Variants in TPD52 observed in about 807,000 individuals in gnomAD.
TPD52 encodes the protein prostate and colon associated protein.
TPD52 carries 17 observed loss-of-function variants against 31.3 expected under a neutral mutation model. That is an observed-to-expected ratio of 0.54 (90% confidence interval 0.37 to 0.82). The LOEUF is 0.82. Ranked by LOEUF, TPD52 falls within the 40% of genes least tolerant of loss-of-function variation. TPD52 has a pLI of 0.00. For missense variants in TPD52, 212 were observed against 240.1 expected (o/e 0.88, Z 0.77); for synonymous variants, 83 against 89.6 (o/e 0.93, Z 0.42).
At chr8:80,121,251 C>T (rs984810929) in intron 1 of TPD52, among the ~76,000 whole-genome samples, 27 of 152,152 alleles carry the variant, frequency 1.8e-4, no homozygotes, top group African/African-American at 5.8e-4. Flanking sequence ...CATGTTAACA[C>T]TAAGGGTTAT....
chr8:80,157,538 G>T (rs778427557), intron 1 of TPD52, among the ~76,000 whole-genome samples: 66 of 152,126 alleles, frequency 4.3e-4, no homozygotes, highest in Non-Finnish European at 6.9e-4. Flanking sequence ...TGCTGTTCTG[G>T]AATGAAAATC....
chr8:80,038,580 T>G (rs1405389151), intron 7 of TPD52, among the ~76,000 whole-genome samples: 1 of 152,258 alleles, frequency 6.6e-6, no homozygotes, highest in Non-Finnish European at 1.5e-5. Flanking sequence ...CATAACATTT[T>G]GTATTGCATC....
chr8:80,050,474 G>A lies in TPD52; in HGVS notation c.387-3C>T. The A allele has an allele frequency of 6.2e-7, 1 of 1,605,336 alleles. No homozygotes were observed. Among genetic ancestry groups the A allele is most frequent in the Non-Finnish European group, 8.5e-7 (1 of 1,176,094 alleles). On this transcript the variant is annotated splice_polypyrimidine_tract_variant and splice_region_variant and intron_variant, in intron 4 of 7. Transcript: ENST00000518937. ...AGGAATGTGAAAAGGCTTGCAATCT[G>A]TAAGAAGCCAGAGTAAGCATTAAAA...
chr8:80,054,805 C>T (rs1450246760), intron 2 of TPD52, among the ~76,000 whole-genome samples: 1 of 151,154 alleles, frequency 6.6e-6, no homozygotes, highest in Admixed American at 6.6e-5. Context: ...TTAACTGGAA[C>T]AGAGGTCCCT....
chr8:80,052,997 CA>C (rs1396756793), intron 3 of TPD52: 42 of 270,546 alleles, frequency 1.6e-4, no homozygotes, highest in Non-Finnish European at 1.3e-4. Context: ...TACTAAAGGA[CA>C]AAATGTACAT....
intron 1 of TPD52, among the ~76,000 whole-genome samples, chr8:80,074,374 T>C (rs1368247067): frequency 6.6e-6 from 1 of 152,256 alleles, no homozygotes; most frequent in Non-Finnish European, 1.5e-5. Context: ...TCCCATTCTC[T>C]GTGCCTTGTT....
chr8:80,132,668 C>T (rs116886562), intron 1 of TPD52, among the ~76,000 whole-genome samples: 2,402 of 152,254 alleles, frequency 0.016, 33 homozygotes, highest in Non-Finnish European at 0.026. Flanking sequence ...GAGAATAGTA[C>T]TTCTTGGGTT....
chr8:80,099,801 G>A (rs1326774986), intron 1 of TPD52, among the ~76,000 whole-genome samples: 1 of 152,198 alleles, frequency 6.6e-6, no homozygotes. Context: ...GTAAGCCAGC[G>A]CGCCCAGCTG....
intron 1 of TPD52, among the ~76,000 whole-genome samples, chr8:80,154,613 C>A (rs1220818478): frequency 2.6e-5 from 4 of 151,998 alleles, no homozygotes; most frequent in Non-Finnish European, 5.9e-5. Flanking sequence ...AAAATTCATA[C>A]AGAGAAACTC....
At chr8:80,064,772 C>T in intron 1 of TPD52, 179 bp from the exon 2 acceptor site, 8 of 693,146 alleles carry the variant, frequency 1.2e-5, no homozygotes, top group Non-Finnish European at 2.1e-5. Flanking sequence ...GAGCTAACCA[C>T]CGGAAACTAC....
intron 1 of TPD52, among the ~76,000 whole-genome samples, chr8:80,085,771 G>A (rs1815698547): frequency 6.6e-6 from 1 of 152,172 alleles, no homozygotes; most frequent in Non-Finnish European, 1.5e-5. Flanking sequence ...TAAAGCTCGG[G>A]AGAAATTTTG....
chr8:80,131,538 C>A lies in TPD52; in HGVS notation c.19+39887G>T, dbSNP rs181440361. On this transcript the variant is annotated intron_variant, in intron 1 of 7. Coordinates refer to ENST00000518937, the MANE Select transcript of TPD52 (RefSeq NM_001025253.3). ...CCTTGGCAAGACTCCAGCTGAATTT[C>A]CCAGTTATAGGTGGAACCAGTTATG... 3.9e-3 allele frequency among the ~76,000 whole-genome samples: 590 copies of A among 152,282 alleles called. 3 individuals are homozygous for A. Among genetic ancestry groups the A allele is most frequent in the African/African-American group, 0.013 (530 of 41,554 alleles).
intron 1 of TPD52, among the ~76,000 whole-genome samples, chr8:80,152,377 G>A (rs1359604702): frequency 6.6e-6 from 1 of 152,102 alleles, no homozygotes; most frequent in Admixed American, 6.5e-5. Flanking sequence ...ATGCTGTGAT[G>A]AAAACACCCT....
intron 2 of TPD52, among the ~76,000 whole-genome samples, 191 bp from the exon 3 acceptor site, chr8:80,053,621 TTCC>T (rs1811583753): frequency 1.3e-5 from 2 of 152,264 alleles, no homozygotes; most frequent in South Asian, 4.1e-4. Context: ...AGAGTTCTCT[TTCC>T]TCCTCCATGG....
intron 1 of TPD52, among the ~76,000 whole-genome samples, chr8:80,142,534 C>T (rs1809905003): frequency 6.6e-6 from 1 of 152,122 alleles, no homozygotes; most frequent in South Asian, 2.1e-4. Flanking sequence ...GAGTTCGAGA[C>T]CAGCCTGAAG....
chr8:80,125,573 A>G (rs184465961), intron 1 of TPD52, among the ~76,000 whole-genome samples: 2 of 152,226 alleles, frequency 1.3e-5, no homozygotes, highest in East Asian at 1.9e-4. Flanking sequence ...TAAAAAAAAA[A>G]AGAGAGACTA....
chr8:80,058,280 C>A (rs1480295440), intron 2 of TPD52, among the ~76,000 whole-genome samples: 1 of 152,082 alleles, frequency 6.6e-6, no homozygotes, highest in Admixed American at 6.5e-5. Flanking sequence ...TGCATAAAAA[C>A]TTACATGAAG....
intron 1 of TPD52, among the ~76,000 whole-genome samples, chr8:80,112,488 A>G (rs554202728): frequency 3.3e-5 from 5 of 152,272 alleles, no homozygotes; most frequent in South Asian, 2.1e-4. Flanking sequence ...AGTACCCCCA[A>G]GTGATTCTGG....
chr8:80,040,264 TG>T (rs1810255896), intron 7 of TPD52, among the ~76,000 whole-genome samples: 1 of 143,024 alleles, frequency 7.0e-6, no homozygotes, highest in Non-Finnish European at 1.5e-5. Context: ...GCATAATCGC[TG>T]CTCACTCTGC....
Sources: allele counts gnomAD v4.1 joint callset (sites outside exome capture counted in the v4.1 genomes callset), GRCh38; gene constraint gnomAD v4.1.1; transcripts MANE v1.5; gene names NCBI Gene and HGNC (gene_info 2026-07-23, HGNC 2026-07-21).